The following KIR3DL3 variants were observed in gnomAD, a reference collection of about 807,000 sequenced individuals.
KIR3DL3 encodes killer cell immunoglobulin-like receptor 3DL3.
KIR3DL3 carries 27 observed loss-of-function variants against 34.9 expected under a neutral mutation model. The ratio of observed to expected loss-of-function variants is 0.77; its 90% CI spans 0.57 to 1.07. KIR3DL3 has a LOEUF of 1.07. KIR3DL3 is among the 50% of genes least tolerant of loss of function. The pLI, the probability that KIR3DL3 is intolerant of heterozygous loss-of-function variation, is 0.00. For missense variants in KIR3DL3, 681 were observed against 528.5 expected (o/e 1.29, Z -2.83); for synonymous variants, 217 against 200.2 (o/e 1.08, Z -0.71).
intron 5 of KIR3DL3, among the ~76,000 whole-genome samples, chr19:54,730,853 C>T (rs2068715655): frequency 6.6e-6 from 1 of 152,156 alleles, no homozygotes; most frequent in South Asian, 2.1e-4. Context: ...GTAGGTTGAT[C>T]CACATCTTGG....
chr19:54,731,963 T>C (rs1349115316), intron 5 of KIR3DL3, among the ~76,000 whole-genome samples: 2,204 of 152,312 alleles, frequency 0.014, 56 homozygotes, highest in African/African-American at 0.05. Context: ...GTTCAGCTGA[T>C]TAGCAACCGT....
rs2068137819 is a variant in KIR3DL3 at position 54,726,107 on chromosome 19, G to T, written c.125G>T (p.Gly42Val). 6.2e-7 allele frequency: 1 copy of T among 1,613,450 alleles called. No individual in the cohort carries two copies. Among genetic ancestry groups the T allele is most frequent in the Non-Finnish European group, 8.5e-7 (1 of 1,179,796 alleles). The change falls in exon 3 of 8, where the codon GGA (glycine) becomes GTA (valine). Residue 42 changes from glycine to valine, a missense_variant. Coordinates refer to ENST00000291860, the MANE Select transcript of KIR3DL3 (RefSeq NM_153443.5). ...SAWPGTVVSEGQHVTLQCRSR... is the reference protein window; with the variant it reads ...SAWPGTVVSEVQHVTLQCRSR... ...TGGCCCGGCACTGTGGTGTCTGAAG[G>T]ACAACATGTGACTCTTCAGTGTCGC...
chr19:54,730,992 G>C (rs903662648), intron 5 of KIR3DL3, among the ~76,000 whole-genome samples: 4 of 151,874 alleles, frequency 2.6e-5, no homozygotes, highest in African/African-American at 9.7e-5. Flanking sequence ...TTTACATTTT[G>C]TTTTATGGTT....
chr19:54,726,619 C>G (rs2068215875), intron 3 of KIR3DL3, among the ~76,000 whole-genome samples: 1 of 147,126 alleles, frequency 6.8e-6, no homozygotes, highest in Non-Finnish European at 1.5e-5. Context: ...GATGGGGAGA[C>G]AGCCTGGACT....
At position 54,727,890 on chromosome 19, in the gene KIR3DL3, C is replaced by A; in HGVS notation, c.635C>A (p.Pro212His). ...TATGAGTTGTCGGCTCCCAGTGACC[C>A]TCTGGACATCGTGGTCGTAGGTGAG... ...LPYELSAPSD[P>H]LDIVVVGLYG... Residue 212 changes from proline (P) to histidine (H), a missense_variant, in exon 4 of 8, where the codon CCT becomes CAT. Pro to His is a moderately conservative substitution (Grantham distance 77, BLOSUM62 -2). Transcript: ENST00000291860. 1 of 1,611,774 alleles carries A rather than the reference C, an allele frequency of 6.2e-7. No individual in the cohort carries two copies. Among genetic ancestry groups the A allele is most frequent in the Non-Finnish European group, 8.5e-7 (1 of 1,178,268 alleles).
chr19:54,731,536 C>T (rs2068790160), intron 5 of KIR3DL3, among the ~76,000 whole-genome samples: 1 of 151,666 alleles, frequency 6.6e-6, no homozygotes, highest in African/African-American at 2.4e-5. Flanking sequence ...CCTATTGTTG[C>T]CATAACAAAT....
intron 5 of KIR3DL3, among the ~76,000 whole-genome samples, chr19:54,730,912 G>A (rs1187964008): frequency 1.3e-5 from 2 of 152,220 alleles, no homozygotes; most frequent in Admixed American, 6.5e-5. Context: ...ATGTCACTTC[G>A]ATACGCTGAT....
At chr19:54,730,874 C>T (rs1161845218) in intron 5 of KIR3DL3, among the ~76,000 whole-genome samples, 2 of 152,246 alleles carry the variant, frequency 1.3e-5, no homozygotes, top group Non-Finnish European at 2.9e-5. Flanking sequence ...CTACTGTGAA[C>T]ACTGCTGGAA....
intron 1 of KIR3DL3, 115 bp from the exon 2 acceptor site, chr19:54,725,131 AG>A (rs2068022990): frequency 8.1e-6 from 3 of 368,616 alleles, no homozygotes; most frequent in Admixed American, 8.9e-5. Context: ...ACGGAGGTGG[AG>A]ATATAGGCCT....
chr19:54,725,033 T>C, intron 1 of KIR3DL3, among the ~76,000 whole-genome samples: 1 of 114,722 alleles, frequency 8.7e-6, no homozygotes, highest in Middle Eastern at 6.3e-3. Flanking sequence ...GGGCCTGGAG[T>C]GTAGATATGG....
intron 5 of KIR3DL3, among the ~76,000 whole-genome samples, chr19:54,734,211 C>T (rs1196687724): frequency 2.6e-5 from 4 of 151,506 alleles, no homozygotes; most frequent in South Asian, 2.1e-4. Flanking sequence ...AAAGCACATT[C>T]GCTGTGTATC....
intron 1 of KIR3DL3, 25 bp downstream of exon 1, chr19:54,724,555 G>A (rs2067901012): frequency 1.2e-6 from 2 of 1,610,300 alleles, no homozygotes; most frequent in Admixed American, 1.7e-5. Context: ...GGAATCGAGG[G>A]AGGGAGCGCT....
At chr19:54,727,059 T>A (rs943110041) in intron 3 of KIR3DL3, among the ~76,000 whole-genome samples, 20 of 137,530 alleles carry the variant, frequency 1.5e-4, no homozygotes, top group Non-Finnish European at 2.0e-4. Flanking sequence ...GGGATACTGA[T>A]GCTACCACCA....
intron 5 of KIR3DL3, among the ~76,000 whole-genome samples, chr19:54,733,154 TG>T (rs2069012901): frequency 6.6e-6 from 1 of 152,162 alleles, no homozygotes. Flanking sequence ...TTCTGAGATG[TG>T]TTTTTTTTCT....
intron 5 of KIR3DL3, 80 bp from the exon 6 acceptor site, chr19:54,735,173 T>G (rs2069342506): frequency 4.4e-6 from 5 of 1,126,018 alleles, no homozygotes; most frequent in Admixed American, 3.6e-5. Context: ...TGTGGTTACC[T>G]GTCAATCAAG....
At chr19:54,731,228 A>G (rs2068757457) in intron 5 of KIR3DL3, among the ~76,000 whole-genome samples, 1 of 151,618 alleles carries the variant, frequency 6.6e-6, no homozygotes, top group Non-Finnish European at 1.5e-5. Flanking sequence ...CTGCTCTTCA[A>G]CTCCTGACCT....
Position 54,729,581 on chromosome 19 carries a change from C to T in KIR3DL3, c.744C>T (p.Ser248=). 1.1e-5 allele frequency: 18 copies of T among 1,606,888 alleles called. No individual in the cohort carries two copies. Among genetic ancestry groups the T allele is most frequent in the Middle Eastern group, 3.3e-4 (2 of 6,060 alleles). The change falls in exon 5 of 8, where the codon AGC becomes AGT. Residue 248 remains serine (S), a synonymous_variant. Coordinates refer to ENST00000291860, the MANE Select transcript of KIR3DL3 (RefSeq NM_153443.5). Reference sequence around the variant, plus strand: ...TGACCTTGTCCTGCAGCTCCCGGAGCTTGTTTGACATTTACCATCTATCCA... The same window carrying T: ...TGACCTTGTCCTGCAGCTCCCGGAGTTTGTTTGACATTTACCATCTATCCA... ...ENVTLSCSSR[S]LFDIYHLSRE...
intron 4 of KIR3DL3, among the ~76,000 whole-genome samples, chr19:54,729,290 G>A (rs759423936): frequency 6.6e-6 from 1 of 152,056 alleles, no homozygotes; most frequent in Non-Finnish European, 1.5e-5. Flanking sequence ...AACATAGCTA[G>A]GGATGGAGAA....
At position 54,726,275 on chromosome 19, in the gene KIR3DL3, C is replaced by A; in HGVS notation, c.293C>A (p.Ser98Ter). ...AHAGTYRCCSSHPHSPTGWSA... is the reference protein window; with the variant it reads ...AHAGTYRCCS ...GCAGGGACCTACAGATGTTGCAGTT[C>A]ACACCCACACTCCCCCACTGGGTGG... The change falls in exon 3 of 8, where the codon TCA becomes TAA. Residue 98 changes from serine to a stop codon, truncating the protein, a stop_gained. Transcript: ENST00000291860. LOFTEE classifies it high-confidence loss of function. The A allele has an allele frequency of 1.2e-6, 2 of 1,613,934 alleles. No individual in the cohort carries two copies. Among genetic ancestry groups the A allele is most frequent in the Non-Finnish European group, 1.7e-6 (2 of 1,179,978 alleles).
Sources: allele counts gnomAD v4.1 joint callset (sites outside exome capture counted in the v4.1 genomes callset), GRCh38; gene constraint gnomAD v4.1.1; transcripts MANE v1.5; gene names NCBI Gene and HGNC (gene_info 2026-07-23, HGNC 2026-07-21).